The following EGLN3 variants were observed in gnomAD, a reference collection of about 807,000 sequenced individuals.
EGLN3 encodes the protein egl-9 family hypoxia inducible factor 3.
A neutral mutation model predicts 26.0 loss-of-function variants in EGLN3; 15 were observed. That is an observed-to-expected ratio of 0.58 (90% CI 0.39 to 0.89). EGLN3 has a LOEUF of 0.89. Ranked by LOEUF, EGLN3 falls within the 40% of genes least tolerant of loss-of-function variation. The probability of loss-of-function intolerance (pLI) is 0.00; values close to 1 mark genes in which losing one functional copy is unlikely to be tolerated. For synonymous variants in EGLN3, 147 were observed against 127.2 expected (o/e 1.16, Z -1.05); for missense variants, 238 against 311.6 (o/e 0.76, Z 1.78).
Position 33,929,095 on chromosome 14 carries a change from G to A in EGLN3, c.595C>T (p.Gln199Ter), listed in dbSNP as rs751380749. The change falls in exon 3 of 5, where the codon CAG (glutamine) becomes TAG (stop). Residue 199 changes from glutamine (Q) to a stop codon, truncating the protein, a stop_gained. Transcript: ENST00000250457. LOFTEE classifies it high-confidence loss of function. ...TATTACCTGGTTGCGTAAGAGGGCT[G>A]CACTTCGTGTGGGTTCCTACGATCT... ...WSDRRNPHEV[Q>*]PSYATRYAMT... 1 of 1,614,034 alleles carries A rather than the reference G, an allele frequency of 6.2e-7. No individual in the cohort carries two copies. The highest frequency in any genetic ancestry group is 8.5e-7 in the Non-Finnish European group (1 of 1,180,010).
chr14:33,947,983 G>T (rs1026850342), intron 1 of EGLN3, among the ~76,000 whole-genome samples: 16 of 152,138 alleles, frequency 1.1e-4, no homozygotes, highest in African/African-American at 3.9e-4. Flanking sequence ...AGGAGGCAGA[G>T]ATTGCAGTGA....
At chr14:33,946,291 G>A (rs1054454892) in intron 1 of EGLN3, among the ~76,000 whole-genome samples, 7 of 152,144 alleles carry the variant, frequency 4.6e-5, no homozygotes, top group African/African-American at 1.2e-4. Flanking sequence ...CAGGAGAATC[G>A]CTTGAACCCA....
rs530518581 is a variant in EGLN3, at chr14:33,925,020, CAT to C, written c.*869_*870del. 20 of 149,004 alleles carry C rather than the reference CAT, an allele frequency of 1.3e-4. No homozygotes were observed. Among genetic ancestry groups the C allele is most frequent in the African/African-American group, 4.4e-4 (18 of 40,526 alleles). 9.2% of individuals were successfully genotyped at this position (149,004 alleles called of 1,614,324 possible). ...CCTCTCAAATTGTTCAAGATGCACA[CAT>C]GTTTATTGTATATCAGTAGACCTAG... is the stretch of plus-strand genomic sequence containing the variant. On this transcript the variant is annotated 3_prime_UTR_variant, in exon 5 of 5. Coordinates refer to ENST00000250457, the MANE Select transcript of EGLN3 (RefSeq NM_022073.4).
At chr14:33,936,229 C>G (rs2064441742) in intron 1 of EGLN3, among the ~76,000 whole-genome samples, 1 of 40,084 alleles carries the variant, frequency 2.5e-5, no homozygotes, top group African/African-American at 7.8e-5. Context: ...GATGCTGTCT[C>G]AAAAAATATA....
At chr14:33,949,069 G>T (rs2064537758) in intron 1 of EGLN3, 1 of 152,202 alleles carries the variant, frequency 6.6e-6, no homozygotes, top group African/African-American at 2.4e-5. Flanking sequence ...TTTCCCCAAA[G>T]TAAAATTTAG....
Position 33,927,026 on chromosome 14 carries a change from T to C in EGLN3, c.622A>G (p.Met208Val), listed in dbSNP as rs763635563. Reference sequence around the variant, plus strand: ...TCAGCATCAAAGTACCAGACAGTCATAGCATATCTGTGAAAGATAAGCAGA... The same window carrying C: ...TCAGCATCAAAGTACCAGACAGTCACAGCATATCTGTGAAAGATAAGCAGA... Reference protein sequence around the residue: ...VQPSYATRYAMTVWYFDAEER... With the variant: ...VQPSYATRYAVTVWYFDAEER... The change falls in exon 4 of 5, where the codon ATG becomes GTG. Residue 208 changes from methionine to valine, a missense_variant. Physicochemically the swap from Met to Val is conservative, Grantham distance 21. Transcript: ENST00000250457. 5.6e-6 allele frequency: 9 copies of C among 1,598,408 alleles called. No homozygotes were observed. The highest frequency in any genetic ancestry group is 1.7e-6 in the Non-Finnish European group (2 of 1,172,582).
rs1292448158 is a variant in EGLN3, at chr14:33,925,024, T to A, written c.*867A>T. 1.3e-5 allele frequency: 2 copies of A among 150,804 alleles called. No individual in the cohort carries two copies. Among genetic ancestry groups the A allele is most frequent in the African/African-American group, 4.9e-5 (2 of 41,116 alleles). 9.3% of individuals were successfully genotyped at this position (150,804 alleles called of 1,614,324 possible). On this transcript the variant is annotated 3_prime_UTR_variant, in exon 5 of 5. Coordinates refer to ENST00000250457, the MANE Select transcript of EGLN3 (RefSeq NM_022073.4). ...TCAAATTGTTCAAGATGCACACATGTTTATTGTATATCAGTAGACCTAGCT... is the reference window on the plus strand; with the variant it reads ...TCAAATTGTTCAAGATGCACACATGATTATTGTATATCAGTAGACCTAGCT...
chr14:33,937,004 G>C (rs2064447986), intron 1 of EGLN3, among the ~76,000 whole-genome samples: 1 of 152,210 alleles, frequency 6.6e-6, no homozygotes, highest in Non-Finnish European at 1.5e-5. Flanking sequence ...TCAGGGATAT[G>C]TGATCTTCAA....
chr14:33,947,932 C>G (rs1013137214), intron 1 of EGLN3, among the ~76,000 whole-genome samples: 1 of 152,004 alleles, frequency 6.6e-6, no homozygotes, highest in East Asian at 1.9e-4. Flanking sequence ...CCTGTGGTCC[C>G]AGCTATGCAG....
intron 3 of EGLN3, among the ~76,000 whole-genome samples, chr14:33,928,224 A>G (rs1174772987): frequency 6.6e-6 from 1 of 152,146 alleles, no homozygotes; most frequent in East Asian, 1.9e-4. Context: ...CAGTTAATAT[A>G]TAACTGGGTT....
chr14:33,933,389 G>A (rs2064418182), intron 1 of EGLN3, among the ~76,000 whole-genome samples: 1 of 149,758 alleles, frequency 6.7e-6, no homozygotes, highest in Admixed American at 6.7e-5. Context: ...AAAACACACA[G>A]AGACAAAGCC....
intron 4 of EGLN3, 107 bp downstream of exon 4, chr14:33,926,853 A>C: frequency 2.7e-6 from 2 of 741,420 alleles, no homozygotes; most frequent in Non-Finnish European, 4.0e-6. Context: ...TTATATATAA[A>C]GCTAAGCCGT....
intron 1 of EGLN3, among the ~76,000 whole-genome samples, chr14:33,944,548 T>C (rs933213762): frequency 6.6e-6 from 1 of 152,254 alleles, no homozygotes; most frequent in Non-Finnish European, 1.5e-5. Flanking sequence ...CTAATATCTC[T>C]CTAGCCCTAA....
intron 2 of EGLN3, among the ~76,000 whole-genome samples, chr14:33,929,822 A>C (rs1329298023): frequency 6.6e-6 from 1 of 152,242 alleles, no homozygotes; most frequent in Non-Finnish European, 1.5e-5. Context: ...TGACTTAAAA[A>C]AAAATGCCCA....
At chr14:33,942,440 G>A (rs1251311426) in intron 1 of EGLN3, among the ~76,000 whole-genome samples, 2 of 152,106 alleles carry the variant, frequency 1.3e-5, no homozygotes, top group Non-Finnish European at 2.9e-5. Context: ...GGGTTTTGTT[G>A]GCCTGGCCTG....
chr14:33,942,639 G>T lies in EGLN3; in HGVS notation c.357+7757C>A, dbSNP rs79251357. On this transcript the variant is annotated intron_variant, in intron 1 of 4. Coordinates refer to ENST00000250457, the MANE Select transcript of EGLN3 (RefSeq NM_022073.4). ...GGGTCTCACATTAGAATAAAAAATA[G>T]ATGTTATTGACACCTGGAATTGAGT... 5.5e-3 allele frequency among the ~76,000 whole-genome samples: 834 copies of T among 152,232 alleles called. 5 individuals are homozygous for T. Among genetic ancestry groups the T allele is most frequent in the Middle Eastern group, 0.01 (3 of 294 alleles).
rs2064555049 is a variant in EGLN3 at position 33,950,767 on chromosome 14, C to G, written c.-15G>C. The G allele has an allele frequency of 6.3e-7, 1 of 1,589,790 alleles. No homozygotes were observed. On this transcript the variant is annotated 5_prime_UTR_variant, in exon 1 of 5. Transcript: ENST00000250457. ...CCCAGGGGCATCTCGCCCGCAGAAT[C>G]GAGGTCCGGGATCCCCAGCGTGCAA... is the stretch of plus-strand genomic sequence containing the variant.
chr14:33,950,887 C>T lies in EGLN3; in HGVS notation c.-135G>A. On this transcript the variant is annotated 5_prime_UTR_variant, in exon 1 of 5. Coordinates refer to ENST00000250457, the MANE Select transcript of EGLN3 (RefSeq NM_022073.4). Reference sequence around the variant, plus strand: ...TGCGGCTGCCACGGTACCCGAGCCGCTGCAGCGTCGGGGACAAGGGAAAGT... The same window carrying T: ...TGCGGCTGCCACGGTACCCGAGCCGTTGCAGCGTCGGGGACAAGGGAAAGT... 1 of 763,620 alleles carries T rather than the reference C, an allele frequency of 1.3e-6. No individual in the cohort carries two copies. The highest frequency in any genetic ancestry group is 2.2e-6 in the Non-Finnish European group (1 of 456,108). 47.3% of individuals were successfully genotyped at this position (763,620 alleles called of 1,614,324 possible).
chr14:33,945,560 A>T (rs1441555665), intron 1 of EGLN3, among the ~76,000 whole-genome samples: 2 of 152,236 alleles, frequency 1.3e-5, no homozygotes, highest in African/African-American at 2.4e-5. Context: ...AGCCATGTGC[A>T]TGGGAAGGCA....
Sources: gnomAD v4.1 joint callset for allele counts (sites outside exome capture counted in the v4.1 genomes callset) on GRCh38, gnomAD v4.1.1 for gene constraint, MANE v1.5 for transcripts, NCBI Gene and HGNC (gene_info 2026-07-23, HGNC 2026-07-21) for gene names.